MICU1: variants seen among roughly 807,000 people sequenced by gnomAD.
The protein encoded by MICU1 is mitochondrial calcium uptake 1, also known as calcium uptake protein 1, mitochondrial.
Under a neutral mutation model 56.8 loss-of-function variants are expected in MICU1, and 45 were observed. That is an observed-to-expected ratio of 0.79 (90% confidence interval 0.62 to 1.02). The LOEUF (loss-of-function observed/expected upper bound fraction) is 1.02. MICU1 is among the 50% of genes least tolerant of loss of function. The pLI is 0.00. For synonymous variants in MICU1, 186 were observed against 195.1 expected, an observed-to-expected ratio of 0.95 and a Z score of 0.39; for missense variants, 504 against 587.1, an observed-to-expected ratio of 0.86 and a Z score of 1.46.
chr10:72,481,636 T>A (rs1175093948), intron 6 of MICU1, among the ~76,000 whole-genome samples: 2 of 152,196 alleles, frequency 1.3e-5, no homozygotes, highest in African/African-American at 4.8e-5. Flanking sequence ...GTTCTAGAAC[T>A]CCTGGCCTCA....
intron 8 of MICU1, among the ~76,000 whole-genome samples, chr10:72,469,993 C>A (rs1313167249): frequency 6.6e-6 from 1 of 152,148 alleles, no homozygotes; most frequent in African/African-American, 2.4e-5. Context: ...TCTTTAAAGA[C>A]CTTATCTCCA....
intron 11 of MICU1, among the ~76,000 whole-genome samples, chr10:72,372,052 T>C (rs1332403766): frequency 6.8e-6 from 1 of 145,998 alleles, no homozygotes; most frequent in African/African-American, 2.6e-5. Flanking sequence ...CAAGATGCTG[T>C]CTCGAAAAAA....
chr10:72,504,054 C>A (rs1488332830), intron 6 of MICU1, among the ~76,000 whole-genome samples: 1 of 152,142 alleles, frequency 6.6e-6, no homozygotes, highest in Non-Finnish European at 1.5e-5. Context: ...AATGACCATA[C>A]TGCCCAAAGG....
intron 8 of MICU1, among the ~76,000 whole-genome samples, chr10:72,427,902 C>T (rs1233350199): frequency 6.6e-6 from 1 of 152,080 alleles, no homozygotes; most frequent in African/African-American, 2.4e-5. Context: ...AACCATGCCA[C>T]TGCCACTATC....
At chr10:72,382,276 A>AC (rs535215066) in intron 10 of MICU1, among the ~76,000 whole-genome samples, 2 of 143,764 alleles carry the variant, frequency 1.4e-5, no homozygotes, top group Non-Finnish European at 3.0e-5. Flanking sequence ...CGTCCGGCTA[A>AC]TTTTTTTTTT....
intron 8 of MICU1, among the ~76,000 whole-genome samples, chr10:72,474,871 G>C (rs1485453580): frequency 6.6e-6 from 1 of 152,148 alleles, no homozygotes; most frequent in African/African-American, 2.4e-5. Flanking sequence ...AGACAGCTAA[G>C]ATTTTTCAAT....
At chr10:72,396,455 T>C (rs1283027364) in intron 10 of MICU1, among the ~76,000 whole-genome samples, 1 of 152,184 alleles carries the variant, frequency 6.6e-6, no homozygotes, top group Non-Finnish European at 1.5e-5. Flanking sequence ...TTGACAGAAG[T>C]AGGCTTCAGA....
chr10:72,487,061 AG>A (rs1384829824), intron 6 of MICU1, among the ~76,000 whole-genome samples: 1 of 152,190 alleles, frequency 6.6e-6, no homozygotes, highest in Non-Finnish European at 1.5e-5. Flanking sequence ...CTTTATGAAA[AG>A]TTTATGGGGA....
At chr10:72,436,226 A>G (rs988233027) in intron 8 of MICU1, among the ~76,000 whole-genome samples, 3 of 152,028 alleles carry the variant, frequency 2.0e-5, no homozygotes, top group African/African-American at 4.8e-5. Flanking sequence ...CTGTTCTGCA[A>G]TATTTGCTGT....
At chr10:72,510,277 C>T (rs1867400404) in intron 5 of MICU1, among the ~76,000 whole-genome samples, 1 of 152,148 alleles carries the variant, frequency 6.6e-6, no homozygotes, top group Admixed American at 6.5e-5. Flanking sequence ...GACATAACTT[C>T]AAACTCACAG....
At position 72,471,599 on chromosome 10, in the gene MICU1, CTTTG is replaced by C. The variant is rs892762155; in HGVS notation, c.933+3497_933+3500del. Among the ~76,000 whole-genome samples the C allele has an allele frequency of 3.0e-4, 46 of 151,454 alleles. No homozygotes were observed. The East Asian group carries it at 7.0e-3, about 23-fold the overall frequency. On this transcript the variant is annotated intron_variant, in intron 8 of 11. Coordinates refer to ENST00000361114, the MANE Select transcript of MICU1 (RefSeq NM_001195518.2). Reference sequence around the variant, plus strand: ...TGTTTTTATTGTTTTTTTTAAATTTCTTTGTTTGTTTTTGTTTTTGCTAAAAGTA... The same window carrying C: ...TGTTTTTATTGTTTTTTTTAAATTTCTTTGTTTTTGTTTTTGCTAAAAGTA...
intron 8 of MICU1, among the ~76,000 whole-genome samples, chr10:72,432,501 G>T (rs1273519619): frequency 6.6e-6 from 1 of 152,110 alleles, no homozygotes; most frequent in Non-Finnish European, 1.5e-5. Flanking sequence ...AATTCATAAA[G>T]AAAAGAGGTT....
intron 2 of MICU1, among the ~76,000 whole-genome samples, chr10:72,566,224 T>A (rs1251007063): frequency 1.3e-5 from 2 of 151,958 alleles, no homozygotes; most frequent in African/African-American, 4.8e-5. Flanking sequence ...TTTTTGTATT[T>A]TTGTAGAGAT....
intron 1 of MICU1, among the ~76,000 whole-genome samples, chr10:72,622,233 T>C (rs1842122136): frequency 9.1e-6 from 1 of 110,150 alleles, no homozygotes; most frequent in Non-Finnish European, 2.1e-5. Context: ...CCAAGTTCTC[T>C]TAATTAAAAA....
chr10:72,377,429 A>G (rs1026564326), intron 10 of MICU1, among the ~76,000 whole-genome samples: 3 of 152,096 alleles, frequency 2.0e-5, no homozygotes, highest in African/African-American at 4.8e-5. Flanking sequence ...GGGCCCGGCC[A>G]ATAGTTCAGG....
At chr10:72,505,903 G>A (rs1446786540) in intron 6 of MICU1, among the ~76,000 whole-genome samples, 3 of 150,704 alleles carry the variant, frequency 2.0e-5, no homozygotes, top group East Asian at 3.9e-4. Flanking sequence ...ATACCCAAAC[G>A]TCAGCATCAC....
At chr10:72,528,519 G>T (rs1239120813) in intron 5 of MICU1, among the ~76,000 whole-genome samples, 1 of 152,118 alleles carries the variant, frequency 6.6e-6, no homozygotes, top group Non-Finnish European at 1.5e-5. Context: ...GAGAGAGAGG[G>T]AAAGACATGG....
chr10:72,575,624 CATT>C (rs1272816141), intron 1 of MICU1, among the ~76,000 whole-genome samples: 1 of 152,130 alleles, frequency 6.6e-6, no homozygotes, highest in East Asian at 1.9e-4. Context: ...CCAACTTTTT[CATT>C]ATTACTGTAT....
chr10:72,450,033 G>A (rs1865245013), intron 8 of MICU1, among the ~76,000 whole-genome samples: 1 of 152,114 alleles, frequency 6.6e-6, no homozygotes, highest in African/African-American at 2.4e-5. Flanking sequence ...TCTGGTTTGT[G>A]TTCTGTCTCT....
Sources: allele counts gnomAD v4.1 joint callset (sites outside exome capture counted in the v4.1 genomes callset), GRCh38; gene constraint gnomAD v4.1.1; transcripts MANE v1.5; gene names NCBI Gene and HGNC (gene_info 2026-07-23, HGNC 2026-07-21).